Variants in ZNF425 observed in about 807,000 individuals in gnomAD.
ZNF425 encodes zinc finger protein 425.
A neutral mutation model predicts 17.0 loss-of-function variants in ZNF425; 21 were observed. The ratio of observed to expected loss-of-function variants is 1.23; its 90% CI spans 0.88 to 1.78. The LOEUF is 1.78. ZNF425 is among the 40% of genes most tolerant of loss of function. The probability of loss-of-function intolerance (pLI) is 0.00; values close to 1 mark genes in which losing one functional copy is unlikely to be tolerated. For synonymous variants in ZNF425, 433 were observed against 384.1 expected, an observed-to-expected ratio of 1.13 and a Z score of -1.49; for missense variants, 868 against 967.3, an observed-to-expected ratio of 0.90 and a Z score of 1.36.
chr7:149,122,857 A>G (rs150919468), intron 1 of ZNF425, among the ~76,000 whole-genome samples: 5,525 of 151,964 alleles, frequency 0.036, 325 homozygotes, highest in African/African-American at 0.13. Context: ...GACCACGCCC[A>G]GCTAATTTTG....
chr7:149,123,656 C>T (rs1043254853), intron 1 of ZNF425, among the ~76,000 whole-genome samples: 5 of 152,130 alleles, frequency 3.3e-5, no homozygotes, highest in Admixed American at 2.0e-4. Flanking sequence ...CTCAGCCTCC[C>T]GAGTAGTTGG....
chr7:149,107,704 A>G (rs1826104690), intron 3 of ZNF425, among the ~76,000 whole-genome samples: 1 of 152,076 alleles, frequency 6.6e-6, no homozygotes, highest in East Asian at 1.9e-4. Flanking sequence ...GACAGGAAAT[A>G]GAGGAACCTG....
chr7:149,126,062 G>T, intron 1 of ZNF425, 134 bp downstream of exon 1: 1 of 1,517,930 alleles, frequency 6.6e-7, no homozygotes, highest in East Asian at 2.4e-5. Context: ...CCAGCCCGGA[G>T]CTCAGTCCGT....
intron 1 of ZNF425, among the ~76,000 whole-genome samples, chr7:149,124,665 C>G (rs1826424999): frequency 6.6e-6 from 1 of 152,146 alleles, no homozygotes; most frequent in Admixed American, 6.6e-5. Flanking sequence ...CCTCAGCCTC[C>G]CCAGTAGCTG....
intron 3 of ZNF425, among the ~76,000 whole-genome samples, chr7:149,110,567 C>CAA (rs776168505): frequency 5.2e-4 from 42 of 80,856 alleles, no homozygotes; most frequent in South Asian, 3.6e-3. Flanking sequence ...CTCCATCTCA[C>CAA]AAAAAAAAAA....
chr7:149,115,946 G>GA (rs1400346638), intron 2 of ZNF425, among the ~76,000 whole-genome samples: 1 of 152,196 alleles, frequency 6.6e-6, no homozygotes, highest in Non-Finnish European at 1.5e-5. Context: ...GTTCTATACG[G>GA]AAAATCATTG....
Position 149,104,894 on chromosome 7 carries a change from C to G in ZNF425, c.977G>C (p.Gly326Ala), listed in dbSNP as rs372675657. 5.1e-5 allele frequency: 82 copies of G among 1,613,418 alleles called. No homozygotes were observed. In the East Asian group the frequency reaches 1.7e-3, roughly 34 times the overall value. ...ELTEHLRLHS[G>A]EKPFQCPQCD... is the part of the protein sequence containing the mutation. ...CTGCGGACACTGGAAGGGCTTCTCTCCGCTGTGCAGCCGCAAGTGCTCCGT... is the reference window on the plus strand; with the variant it reads ...CTGCGGACACTGGAAGGGCTTCTCTGCGCTGTGCAGCCGCAAGTGCTCCGT... Residue 326 changes from glycine to alanine, a missense_variant, in exon 4 of 4, where the codon GGA becomes GCA. Coordinates refer to ENST00000378061, the MANE Select transcript of ZNF425 (RefSeq NM_001001661.3). The surrounding 1 kb of genome is among the most constrained non-coding windows in gnomAD (Gnocchi z 4.3).
intron 2 of ZNF425, chr7:149,113,221 CA>C (rs1826204442): frequency 6.6e-6 from 1 of 151,492 alleles, no homozygotes; most frequent in Non-Finnish European, 1.5e-5. Context: ...GAGATCCACC[CA>C]CCTCAGCTTC....
chr7:149,104,882 A>T lies in ZNF425; in HGVS notation c.989T>A (p.Phe330Tyr). 1 of 1,613,586 alleles carries T rather than the reference A, an allele frequency of 6.2e-7. No individual in the cohort carries two copies. Among genetic ancestry groups the T allele is most frequent in the South Asian group, 1.1e-5 (1 of 91,016 alleles). The change falls in exon 4 of 4, where the codon TTC (phenylalanine) becomes TAC (tyrosine). Residue 330 changes from phenylalanine to tyrosine, a missense_variant. By Grantham distance (22) the Phe-to-Tyr change is conservative. Transcript: ENST00000378061. This position sits in a 1 kb window ranked among gnomAD's most constrained non-coding sequence, Gnocchi z 4.3. Reference protein sequence around the residue: ...HLRLHSGEKPFQCPQCDRCFR... With the variant: ...HLRLHSGEKPYQCPQCDRCFR... ...GCACCGGTCACACTGCGGACACTGG[A>T]AGGGCTTCTCTCCGCTGTGCAGCCG...
In ZNF425 at chr7:149,104,078, G is replaced by A. The variant is rs150412959; in HGVS notation, c.1793C>T (p.Thr598Ile). 6.4e-3 allele frequency: 10,258 copies of A among 1,612,998 alleles called. 40 individuals carry two copies. Among genetic ancestry groups the A allele is most frequent in the Non-Finnish European group, 7.9e-3 (9,333 of 1,179,982 alleles). ...TCCACTGTGCAGCCTCAGGTGCTCG[G>A]TGAGCTGAGACTGATGCGTGTAGGT... ...DKTYTHQSQLTEHLRLHSGEK... is the reference protein window; with the variant it reads ...DKTYTHQSQLIEHLRLHSGEK... Residue 598 changes from threonine (T) to isoleucine (I), a missense_variant, in exon 4 of 4, where the codon ACC becomes ATC. Coordinates refer to ENST00000378061, the MANE Select transcript of ZNF425 (RefSeq NM_001001661.3). The surrounding 1 kb of genome is among the most constrained non-coding windows in gnomAD (Gnocchi z 4.3).
At chr7:149,124,094 G>A (rs1410174475) in intron 1 of ZNF425, among the ~76,000 whole-genome samples, 4 of 151,394 alleles carry the variant, frequency 2.6e-5, no homozygotes, top group South Asian at 2.1e-4. Context: ...TGATCCGCCC[G>A]GCTCGGCCTC....
chr7:149,120,721 T>C (rs1275050316), intron 1 of ZNF425, among the ~76,000 whole-genome samples: 1 of 152,218 alleles, frequency 6.6e-6, no homozygotes, highest in Non-Finnish European at 1.5e-5. Context: ...AAGCACACTC[T>C]GATGTTTGCA....
At position 149,112,183 on chromosome 7, in the gene ZNF425, A is replaced by G; in HGVS notation, c.258T>C (p.Thr86=). The G allele has an allele frequency of 6.2e-7, 1 of 1,614,126 alleles. No homozygotes were observed. Among genetic ancestry groups the G allele is most frequent in the Non-Finnish European group, 8.5e-7 (1 of 1,179,992 alleles). ...DKTRRTTSPP[T]DEQLNMKNTG... is the part of the protein sequence containing the mutation. ...TATTCTTCATGTTCAACTGTTCATC[A>G]GTAGGAGGGCTAGTTGTCCTTCTTG... The change falls in exon 3 of 4, where the codon ACT becomes ACC. Residue 86 remains threonine, a synonymous_variant. Transcript: ENST00000378061.
chr7:149,105,158 C>T lies in ZNF425; in HGVS notation c.713G>A (p.Arg238Lys). ...RGKSELRRTQ[R>K]LLCQKKRFQC... ...GAACCGCTTCTTCTGACACAGGAGC[C>T]TCTGCGTCCGCCTGAGTTCGGACTT... is the stretch of plus-strand genomic sequence containing the variant. Residue 238 changes from arginine (R) to lysine (K), a missense_variant, in exon 4 of 4, where the codon AGG becomes AAG. Transcript: ENST00000378061. The T allele has an allele frequency of 1.9e-6, 3 of 1,614,214 alleles. No individual in the cohort carries two copies. The highest frequency in any genetic ancestry group is 1.7e-6 in the Non-Finnish European group (2 of 1,180,038).
intron 1 of ZNF425, among the ~76,000 whole-genome samples, chr7:149,118,896 C>T (rs957950081): frequency 6.6e-6 from 1 of 152,122 alleles, no homozygotes; most frequent in African/African-American, 2.4e-5. Context: ...GGATGCTTTA[C>T]TTAGCAGCAA....
chr7:149,119,992 A>G (rs1267004203), intron 1 of ZNF425, among the ~76,000 whole-genome samples: 1 of 152,138 alleles, frequency 6.6e-6, no homozygotes. Context: ...CCTGGAACCA[A>G]TCCCTTGCGG....
Position 149,104,982 on chromosome 7 carries a change from G to A in ZNF425, c.889C>T (p.Arg297Cys), listed in dbSNP as rs1198498442. The A allele has an allele frequency of 5.6e-6, 9 of 1,614,048 alleles. No homozygotes were observed. The highest frequency in any genetic ancestry group is 2.2e-5 in the South Asian group (2 of 91,090). Residue 297 changes from arginine (R) to cysteine (C), a missense_variant, in exon 4 of 4, where the codon CGC (arginine) becomes TGC (cysteine). Around this residue, in one of 5 missense-constraint regions of ZNF425, gnomAD observed 243 missense variants for 265.2 expected, o/e 0.92. Coordinates refer to ENST00000378061, the MANE Select transcript of ZNF425 (RefSeq NM_001001661.3). This position sits in a 1 kb window ranked among gnomAD's most constrained non-coding sequence, Gnocchi z 4.3. ...CCGCAGCAGAACGGCCGCTCCCCGC[G>A]GTGTAGACACAGGTGCTTCTTCAGG... ...ANLKKHLCLH[R>C]GERPFCCGEC...
rs184655698 is a variant in ZNF425 at position 149,125,944 on chromosome 7, T to G, written c.18+252A>C. 9.9e-5 allele frequency: 69 copies of G among 696,142 alleles called. No individual in the cohort carries two copies. In the Admixed American group the frequency reaches 1.1e-3, roughly 11 times the overall value. 43.1% of individuals were successfully genotyped at this position (696,142 alleles called of 1,614,324 possible). A position where few individuals can be genotyped will look rare whatever the true frequency, so the allele number is the denominator to read the frequency against. ...CTCAAGCGCTGCTCCCGCCTCAGCCTTCCGAGTGGCCGGGGCCACAGACGC... is the reference window on the plus strand; with the variant it reads ...CTCAAGCGCTGCTCCCGCCTCAGCCGTCCGAGTGGCCGGGGCCACAGACGC... On this transcript the variant is annotated intron_variant, in intron 1 of 3. Transcript: ENST00000378061.
At position 149,104,914 on chromosome 7, in the gene ZNF425, C is replaced by G. The variant is rs1217710406; in HGVS notation, c.957G>C (p.Glu319Asp). ...TCTCTCCGCTGTGCAGCCGCAAGTG[C>G]TCCGTGAGCTCGCACTGCTGCACGA... ...RAFVQQCELT[E>D]HLRLHSGEKP... The change falls in exon 4 of 4, where the codon GAG becomes GAC. Residue 319 changes from glutamate to aspartate, a missense_variant. Coordinates refer to ENST00000378061, the MANE Select transcript of ZNF425 (RefSeq NM_001001661.3). The surrounding 1 kb of genome is among the most constrained non-coding windows in gnomAD (Gnocchi z 4.3). The G allele has an allele frequency of 6.2e-7, 1 of 1,613,626 alleles. No homozygotes were observed. The highest frequency in any genetic ancestry group is 1.1e-5 in the South Asian group (1 of 91,010).
Sources: gnomAD v4.1 joint callset for allele counts (sites outside exome capture counted in the v4.1 genomes callset) on GRCh38, gnomAD v4.1.1 for gene constraint, gnomAD v4.1.1 regional missense constraint, Gnocchi (gnomAD v3.1) non-coding constraint, MANE v1.5 for transcripts, NCBI Gene and HGNC (gene_info 2026-07-23, HGNC 2026-07-21) for gene names.